Variants in PLS3 observed in about 807,000 individuals in gnomAD.
The protein encoded by PLS3 is plastin-3.
Under a neutral mutation model 46.5 loss-of-function variants are expected in PLS3, and 11 were observed. The ratio of observed to expected loss-of-function variants is 0.24; its 90% CI spans 0.15 to 0.39. The LOEUF (loss-of-function observed/expected upper bound fraction) is 0.39. PLS3 is among the 10% of genes least tolerant of loss of function. PLS3 has a pLI of 1.00. For synonymous variants in PLS3, 167 were observed against 162.2 expected, an observed-to-expected ratio of 1.03 and a Z score of -0.22; for missense variants, 308 against 461.8, an observed-to-expected ratio of 0.67 and a Z score of 3.05.
rs186228946 is a variant in PLS3, at chrX:115,631,265, T to G, written c.500+1298T>G. On this transcript the variant is annotated intron_variant, in intron 5 of 15. Transcript: ENST00000355899. ...TCTTTACTTTTAGTAGAGATGGGGT[T>G]TCTCCATGTTGGTCAGGCTGGTCTC... Among the ~76,000 whole-genome samples, 7 of 108,138 alleles carry G rather than the reference T, an allele frequency of 6.5e-5. No individual in the cohort carries two copies. In the Admixed American group the frequency reaches 7.3e-4, roughly 11 times the overall value. The allele number at this position is 108,138 out of a possible 115,157, so 93.9% of individuals were successfully genotyped here. A position where few individuals can be genotyped will look rare whatever the true frequency, so the allele number is the denominator to read the frequency against.
chrX:115,599,663 TGCTGTGTC>T (rs781893823), intron 1 of PLS3, among the ~76,000 whole-genome samples: 115 of 106,046 alleles, frequency 1.1e-3, no homozygotes, highest in African/African-American at 3.9e-3. Flanking sequence ...GGTGGAGTCT[TGCTGTGTC>T]GCCCAGGCTG....
At chrX:115,561,524 TGTATTAA>T (rs1422047743) in intron 1 of PLS3, among the ~76,000 whole-genome samples, 1 of 111,994 alleles carries the variant, frequency 8.9e-6, no homozygotes, top group African/African-American at 3.2e-5. Flanking sequence ...TGCACTTCAC[TGTATTAA>T]GTGGTGTTTT....
In PLS3 at chrX:115,650,168, T is replaced by C. The variant is rs2074988983; in HGVS notation, c.*607T>C. ...ATCCTTTTTTGTACATTTAAGAATA[T>C]TTTGATTATATTAAACAAGACTGCT... On this transcript the variant is annotated 3_prime_UTR_variant, in exon 16 of 16. Coordinates refer to ENST00000355899, the MANE Select transcript of PLS3 (RefSeq NM_005032.7). 8.9e-6 allele frequency: 1 copy of C among 112,111 alleles called. No homozygotes were observed. Among genetic ancestry groups the C allele is most frequent in the Non-Finnish European group, 1.9e-5 (1 of 53,191 alleles). 9.2% of individuals were successfully genotyped at this position (112,111 alleles called of 1,213,427 possible). A position where few individuals can be genotyped will look rare whatever the true frequency, so the allele number is the denominator to read the frequency against.
intron 3 of PLS3, among the ~76,000 whole-genome samples, chrX:115,627,733 T>C (rs2147529436): frequency 8.9e-6 from 1 of 112,113 alleles, no homozygotes; most frequent in South Asian, 3.7e-4. Context: ...TGTGTATGTG[T>C]GTGTCTGCAT....
At chrX:115,644,100 T>C (rs2074926330) in intron 10 of PLS3, among the ~76,000 whole-genome samples, 1 of 111,301 alleles carries the variant, frequency 9.0e-6, no homozygotes, top group Admixed American at 9.6e-5. Flanking sequence ...AAAGTGCACA[T>C]ATGCATTCAG....
intron 1 of PLS3, among the ~76,000 whole-genome samples, chrX:115,606,061 C>T (rs185036957): frequency 4.2e-4 from 44 of 103,972 alleles, no homozygotes; most frequent in Admixed American, 9.5e-4. Context: ...TAATCAGAAC[C>T]CAACTGGTCA....
intron 1 of PLS3, among the ~76,000 whole-genome samples, chrX:115,569,468 A>G (rs1234417398): frequency 8.9e-6 from 1 of 111,818 alleles, no homozygotes; most frequent in Non-Finnish European, 1.9e-5. Flanking sequence ...ATATCACTCA[A>G]TAAACTACAG....
chrX:115,644,107 T>C (rs183528784), intron 10 of PLS3, among the ~76,000 whole-genome samples: 50 of 111,724 alleles, frequency 4.5e-4, no homozygotes, highest in African/African-American at 1.6e-3. Flanking sequence ...ACATATGCAT[T>C]CAGTTTGACC....
chrX:115,590,445 A>G (rs1163070012), intron 1 of PLS3, among the ~76,000 whole-genome samples: 1 of 111,138 alleles, frequency 9.0e-6, no homozygotes. Context: ...CGTCACGCAC[A>G]CACCCACACA....
At chrX:115,609,006 G>A (rs900282718) in intron 1 of PLS3, among the ~76,000 whole-genome samples, 5 of 109,723 alleles carry the variant, frequency 4.6e-5, no homozygotes, top group African/African-American at 6.7e-5. Context: ...AGACCGAGGC[G>A]GGAGGATCCC....
At chrX:115,570,376 C>T (rs187837615) in intron 1 of PLS3, among the ~76,000 whole-genome samples, 2 of 111,097 alleles carry the variant, frequency 1.8e-5, no homozygotes, top group Admixed American at 1.9e-4. Context: ...ACTTATAAAG[C>T]AACTAGCATA....
At chrX:115,625,544 C>T (rs1338653289) in intron 3 of PLS3, among the ~76,000 whole-genome samples, 1 of 105,945 alleles carries the variant, frequency 9.4e-6, no homozygotes, top group Non-Finnish European at 1.9e-5. Flanking sequence ...CAGTCTTGGA[C>T]ATATAGTAAA....
chrX:115,571,048 C>G (rs781899814), intron 1 of PLS3, among the ~76,000 whole-genome samples: 55 of 109,828 alleles, frequency 5.0e-4, no homozygotes, highest in African/African-American at 1.7e-3. Context: ...GTGCCCACCA[C>G]CATGCCCTGC....
intron 3 of PLS3, among the ~76,000 whole-genome samples, chrX:115,626,404 T>C (rs1556638492): frequency 1.8e-5 from 2 of 108,839 alleles, no homozygotes. Flanking sequence ...CCTGCCTCAG[T>C]CTCCAGAGTA....
At position 115,588,665 on chromosome X, in the gene PLS3, C is replaced by CTGCTGAGTT. The variant is rs782480987; in HGVS notation, c.-8-21577_-8-21569dup. Among the ~76,000 whole-genome samples, 578 of 111,321 alleles carry CTGCTGAGTT rather than the reference C, an allele frequency of 5.2e-3. 6 individuals carry two copies. The highest frequency in any genetic ancestry group is 0.018 in the African/African-American group (553 of 30,673). On this transcript the variant is annotated intron_variant, in intron 1 of 15. Coordinates refer to ENST00000355899, the MANE Select transcript of PLS3 (RefSeq NM_005032.7). ...ATCCTGAGGCCAAAAAGTTTAGGAACTGCTGAGTTGGGTTTTTTGTTGTTG... is the reference window on the plus strand; with the variant it reads ...ATCCTGAGGCCAAAAAGTTTAGGAACTGCTGAGTTTGCTGAGTTGGGTTTTTTGTTGTTG...
chrX:115,587,868 C>G (rs2074320490), intron 1 of PLS3, among the ~76,000 whole-genome samples: 2 of 111,831 alleles, frequency 1.8e-5, no homozygotes, highest in Non-Finnish European at 3.8e-5. Flanking sequence ...AGGGAAACAA[C>G]TAAGAGTATT....
At chrX:115,631,008 G>C (rs1053069106) in intron 5 of PLS3, among the ~76,000 whole-genome samples, 1 of 94,466 alleles carries the variant, frequency 1.1e-5, no homozygotes, top group Non-Finnish European at 2.0e-5. Context: ...CGTATATAAA[G>C]TATATATTAT....
At chrX:115,562,918 G>C (rs998110136) in intron 1 of PLS3, among the ~76,000 whole-genome samples, 1 of 111,324 alleles carries the variant, frequency 9.0e-6, no homozygotes, top group African/African-American at 3.3e-5. Context: ...GGACCAGAAA[G>C]GGAATTTGGT....
intron 1 of PLS3, among the ~76,000 whole-genome samples, chrX:115,578,104 G>A (rs2074258874): frequency 9.0e-6 from 1 of 111,378 alleles, no homozygotes; most frequent in Non-Finnish European, 1.9e-5. Flanking sequence ...TGGGAAGAAG[G>A]GTATTGCCAT....
Sources: allele counts gnomAD v4.1 joint callset (sites outside exome capture counted in the v4.1 genomes callset), GRCh38; gene constraint gnomAD v4.1.1; transcripts MANE v1.5; gene names NCBI Gene and HGNC (gene_info 2026-07-23, HGNC 2026-07-21).